Variants in MATN3 observed in about 807,000 individuals in gnomAD.
MATN3 encodes matrilin 3.
A neutral mutation model predicts 45.3 loss-of-function variants in MATN3; 48 were observed. The observed-to-expected ratio is 1.06, with a 90% CI of 0.84 to 1.35. The LOEUF (loss-of-function observed/expected upper bound fraction) is 1.35, where lower values mean the gene tolerates loss of function less well. Ranked by LOEUF, MATN3 falls within the 40% of genes most tolerant of loss-of-function variation. MATN3 has a pLI of 0.00. For synonymous variants in MATN3, 217 were observed against 245.9 expected (o/e 0.88, Z 1.10); for missense variants, 599 against 628.0 (o/e 0.95, Z 0.49).
At position 20,002,081 on chromosome 2, in the gene MATN3, C is replaced by A. The variant is rs1302285764; in HGVS notation, c.917-1G>T. 2 of 1,610,248 alleles carry A rather than the reference C, an allele frequency of 1.2e-6. No individual in the cohort carries two copies. The highest frequency in any genetic ancestry group is 1.1e-5 in the South Asian group (1 of 90,530). ...GTGTTAAGAGCACACCTATCAAGAGCTATCAAAAGATGATTGGGACAAATG... is the reference window on the plus strand; with the variant it reads ...GTGTTAAGAGCACACCTATCAAGAGATATCAAAAGATGATTGGGACAAATG... On this transcript the variant is annotated splice_acceptor_variant, in intron 3 of 7. Transcript: ENST00000407540. LOFTEE classifies it high-confidence loss of function.
chr2:20,007,648 C>G (rs1195902836), intron 1 of MATN3, among the ~76,000 whole-genome samples: 1 of 152,240 alleles, frequency 6.6e-6, no homozygotes, highest in Non-Finnish European at 1.5e-5. Context: ...CCCTACTGCC[C>G]CAACTAACTC....
intron 1 of MATN3, among the ~76,000 whole-genome samples, chr2:20,011,662 T>C (rs1002501551): frequency 3.9e-5 from 6 of 152,332 alleles, no homozygotes; most frequent in Admixed American, 3.9e-4. Context: ...GTTGGTAGGC[T>C]GGGGCAGTGG....
chr2:20,010,141 G>A (rs1673192806), intron 1 of MATN3, among the ~76,000 whole-genome samples: 1 of 146,218 alleles, frequency 6.8e-6, no homozygotes, highest in Non-Finnish European at 1.5e-5. Flanking sequence ...CTAGAGCTAG[G>A]AAGAAGAATT....
chr2:20,010,469 T>A (rs1056096638), intron 1 of MATN3, among the ~76,000 whole-genome samples: 1 of 150,242 alleles, frequency 6.7e-6, no homozygotes, highest in African/African-American at 2.5e-5. Context: ...TTTGCAGGTG[T>A]GATTAAGTCA....
intron 1 of MATN3, among the ~76,000 whole-genome samples, chr2:20,006,953 C>T (rs1673118466): frequency 1.3e-5 from 2 of 152,240 alleles, no homozygotes; most frequent in Admixed American, 1.3e-4. Flanking sequence ...CGTGGTGGCT[C>T]ATGCCTGTAA....
In MATN3 at chr2:20,006,065, A is replaced by C; in HGVS notation, c.469T>G (p.Ser157Ala). 6.2e-7 allele frequency: 1 copy of C among 1,613,996 alleles called. No individual in the cohort carries two copies. Among genetic ancestry groups the C allele is most frequent in the Non-Finnish European group, 8.5e-7 (1 of 1,179,868 alleles). ...KQAVGRITPL[S>A]TGTMSGLAIQ... ...GCTAGGCCTGACATGGTGCCTGTTG[A>C]CAAGGGTGTGATTCGACCCACGGCC... is the stretch of plus-strand genomic sequence containing the variant. Residue 157 changes from serine to alanine, a missense_variant, in exon 2 of 8, where the codon TCA (serine) becomes GCA (alanine). Coordinates refer to ENST00000407540, the MANE Select transcript of MATN3 (RefSeq NM_002381.5).
chr2:20,009,964 C>T lies in MATN3; in HGVS notation c.223+2445G>A, dbSNP rs145558336. Among the ~76,000 whole-genome samples, 1,260 of 151,058 alleles carry T rather than the reference C, an allele frequency of 8.3e-3. 14 individuals are homozygous for T. The highest frequency in any genetic ancestry group is 0.027 in the African/African-American group (1,108 of 41,096). ...CCTCCTTAAATTGTATAAAAACAAG[C>T]TGCACCCTGACCATCTTGAGCACAT... On this transcript the variant is annotated intron_variant, in intron 1 of 7. Coordinates refer to ENST00000407540, the MANE Select transcript of MATN3 (RefSeq NM_002381.5).
In MATN3 at chr2:19,994,347, C is replaced by T. The variant is rs1672819904; in HGVS notation, c.1357G>A (p.Ala453Thr). ...TACGAGCTGACCTTGTCCTGGAATG[C>T]CAGTGTAGCTTCACATCCACAAGCA... Reference protein sequence around the residue: ...EDACGCEATLAFQDKVSSYLQ... With the variant: ...EDACGCEATLTFQDKVSSYLQ... Residue 453 changes from alanine (A) to threonine (T), a missense_variant, in exon 7 of 8, where the codon GCA (alanine) becomes ACA (threonine). Physicochemically the swap from Ala to Thr is moderately conservative, Grantham distance 58 (BLOSUM62 0). Transcript: ENST00000407540. 1 of 1,613,456 alleles carries T rather than the reference C, an allele frequency of 6.2e-7. No homozygotes were observed. The highest frequency in any genetic ancestry group is 8.5e-7 in the Non-Finnish European group (1 of 1,179,606).
intron 5 of MATN3, chr2:19,999,325 A>G (rs1267136694): frequency 6.6e-6 from 1 of 152,234 alleles, no homozygotes; most frequent in Non-Finnish European, 1.5e-5. Context: ...CCCTGAACAA[A>G]TCAGCTCAAG....
At position 19,992,163 on chromosome 2, in the gene MATN3, C is replaced by G. The variant is rs1301895415; in HGVS notation, c.*948G>C. 6.6e-6 allele frequency: 1 copy of G among 151,882 alleles called. No individual in the cohort carries two copies. Among genetic ancestry groups the G allele is most frequent in the East Asian group, 1.9e-4 (1 of 5,192 alleles). The allele number at this position is 151,882 out of a possible 1,614,324, so 9.4% of individuals were successfully genotyped here. The stretch of plus-strand genomic sequence containing the variant: ...TATTAAAGACAATGCAAACGAAAAA[C>G]AGAATTGAGCAGTGCAAAATTTAAA... On this transcript the variant is annotated 3_prime_UTR_variant, in exon 8 of 8. Coordinates refer to ENST00000407540, the MANE Select transcript of MATN3 (RefSeq NM_002381.5).
chr2:19,994,032 T>A (rs138180842), intron 7 of MATN3, among the ~76,000 whole-genome samples: 99 of 152,316 alleles, frequency 6.5e-4, no homozygotes, highest in African/African-American at 2.1e-3. Flanking sequence ...ATCTGTTATG[T>A]AAGAGCATCA....
chr2:20,012,382 C>T lies in MATN3; in HGVS notation c.223+27G>A, dbSNP rs924638586. 2.4e-6 allele frequency: 3 copies of T among 1,224,758 alleles called. No individual in the cohort carries two copies. The highest frequency in any genetic ancestry group is 3.1e-6 in the Non-Finnish European group (3 of 982,790). 75.9% of individuals were successfully genotyped at this position (1,224,758 alleles called of 1,614,324 possible). On this transcript the variant is annotated intron_variant, in intron 1 of 7. Transcript: ENST00000407540. This position sits in a 1 kb window ranked among gnomAD's most constrained non-coding sequence, Gnocchi z 4.3. Reference sequence around the variant, plus strand: ...TGGGCTTCTCCTCGTTCGATGCTCACGCGTCCCTCCCGCCGCCCGCCTGTA... The same window carrying T: ...TGGGCTTCTCCTCGTTCGATGCTCATGCGTCCCTCCCGCCGCCCGCCTGTA...
chr2:20,006,265 C>T lies in MATN3; in HGVS notation c.269G>A (p.Ser90Asn). ...TTCCAGGGGCCGTACGCTACGAGAA[C>T]TATCAATGATAAACACCAGGTCCAA... ...RPLDLVFIID[S>N]SRSVRPLEFT... Residue 90 changes from serine (S) to asparagine (N), a missense_variant, in exon 2 of 8, where the codon AGT becomes AAT. Ser to Asn is a conservative substitution (Grantham distance 46). Coordinates refer to ENST00000407540, the MANE Select transcript of MATN3 (RefSeq NM_002381.5). 1.9e-6 allele frequency: 3 copies of T among 1,601,308 alleles called. No individual in the cohort carries two copies. Among genetic ancestry groups the T allele is most frequent in the Non-Finnish European group, 2.6e-6 (3 of 1,174,732 alleles).
rs373656041 is a variant in MATN3 at position 19,993,164 on chromosome 2, C to A, written c.1408G>T (p.Asp470Tyr). The A allele has an allele frequency of 6.2e-7, 1 of 1,610,114 alleles. No individual in the cohort carries two copies. The highest frequency in any genetic ancestry group is 1.3e-5 in the African/African-American group (1 of 74,930). The change falls in exon 8 of 8, where the codon GAT (aspartate) becomes TAT (tyrosine). Residue 470 changes from aspartate (D) to tyrosine (Y), a missense_variant and splice_region_variant. Coordinates refer to ENST00000407540, the MANE Select transcript of MATN3 (RefSeq NM_002381.5). ...ATTTTCAACTTCTCCAAAATGTCAT[C>A]AAGTGGCAAGTTGTTAAGGCCAACA... ...SYLQRLNTKL[D>Y]DILEKLKINE...
rs1673239962 is a variant in MATN3 at position 20,012,548 on chromosome 2, G to A, written c.84C>T (p.Pro28=). The change falls in exon 1 of 8, where the codon CCC becomes CCT. Residue 28 remains proline, a synonymous_variant. Transcript: ENST00000407540. This position sits in a 1 kb window ranked among gnomAD's most constrained non-coding sequence, Gnocchi z 4.3. ...WPLLLLPSAA[P]DPVARPGFRR... is the part of the protein sequence containing the mutation. ...GGAAGCCCGGGCGGGCCACGGGGTC[G>A]GGGGCGGCGGAGGGCAGCAGCAGCA... The A allele has an allele frequency of 2.4e-6, 3 of 1,226,264 alleles. No individual in the cohort carries two copies. The highest frequency in any genetic ancestry group is 3.2e-4 in the Middle Eastern group (1 of 3,170). The allele number at this position is 1,226,264 out of a possible 1,614,324, so 76.0% of individuals were successfully genotyped here.
At chr2:19,999,088 G>A (rs1672934043) in intron 5 of MATN3, 1 of 152,102 alleles carries the variant, frequency 6.6e-6, no homozygotes, top group South Asian at 2.1e-4. Context: ...TGGGAGTGTT[G>A]TCTGCCTTAA....
intron 1 of MATN3, among the ~76,000 whole-genome samples, chr2:20,010,867 C>T (rs778521627): frequency 1.3e-5 from 2 of 152,206 alleles, no homozygotes; most frequent in African/African-American, 4.8e-5. Context: ...TGAGGCTTGA[C>T]CATGGTGGCA....
Position 20,002,499 on chromosome 2 carries a change from C to T in MATN3, c.917-419G>A, listed in dbSNP as rs540884323. On this transcript the variant is annotated intron_variant, in intron 3 of 7. Coordinates refer to ENST00000407540, the MANE Select transcript of MATN3 (RefSeq NM_002381.5). ...TTCTAGATTCCATGAGCATCTATGACTAGAGAGGAAGAGGGTAGCTTGCAT... is the reference window on the plus strand; with the variant it reads ...TTCTAGATTCCATGAGCATCTATGATTAGAGAGGAAGAGGGTAGCTTGCAT... 4.6e-5 allele frequency among the ~76,000 whole-genome samples: 7 copies of T among 152,256 alleles called. No individual in the cohort carries two copies. The East Asian group carries it at 1.3e-3, about 29-fold the overall frequency.
chr2:19,994,429 A>G lies in MATN3; in HGVS notation c.1295-20T>C. The G allele has an allele frequency of 7.5e-7, 1 of 1,336,528 alleles. No individual in the cohort carries two copies. The highest frequency in any genetic ancestry group is 1.1e-6 in the Non-Finnish European group (1 of 931,778). The allele number at this position is 1,336,528 out of a possible 1,614,324, so 82.8% of individuals were successfully genotyped here. On this transcript the variant is annotated intron_variant, in intron 6 of 7. Transcript: ENST00000407540. ...CAGTGGCTGAAGACAATGACAGTAC[A>G]CAAATATACTATCTAGGAATAGCTA...
Sources: allele counts gnomAD v4.1 joint callset (sites outside exome capture counted in the v4.1 genomes callset), GRCh38; gene constraint gnomAD v4.1.1; non-coding constraint Gnocchi (gnomAD v3.1); transcripts MANE v1.5; gene names NCBI Gene and HGNC (gene_info 2026-07-23, HGNC 2026-07-21).